Variants in CNBD1 observed in about 807,000 individuals in gnomAD.
CNBD1 encodes the protein cyclic nucleotide binding domain containing 1, also known as cyclic nucleotide-binding domain-containing protein 1.
Under a neutral mutation model 54.4 loss-of-function variants are expected in CNBD1, and 71 were observed. That is an observed-to-expected ratio of 1.30 (90% CI 1.08 to 1.59). The LOEUF (loss-of-function observed/expected upper bound fraction) is 1.59, where lower values mean the gene tolerates loss of function less well. CNBD1 is among the 40% of genes most tolerant of loss of function. The pLI, the probability that CNBD1 is intolerant of heterozygous loss-of-function variation, is 0.00. For synonymous variants in CNBD1, 182 were observed against 170.7 expected (o/e 1.07, Z -0.51); for missense variants, 659 against 518.0 (o/e 1.27, Z -2.64).
intron 5 of CNBD1, among the ~76,000 whole-genome samples, chr8:87,222,778 C>T (rs1814369591): frequency 6.6e-6 from 1 of 152,026 alleles, no homozygotes; most frequent in Non-Finnish European, 1.5e-5. Flanking sequence ...ATTAAACTTT[C>T]TCTAACTAGT....
At chr8:87,388,781 G>A (rs867750004) in intron 2 of CNBD1, among the ~76,000 whole-genome samples, 4 of 152,058 alleles carry the variant, frequency 2.6e-5, no homozygotes, top group East Asian at 1.9e-4. Flanking sequence ...TACCAAAGCC[G>A]GGCAGAGACA....
At chr8:87,011,921 A>AT (rs1323468262) in intron 4 of CNBD1, among the ~76,000 whole-genome samples, 4 of 152,184 alleles carry the variant, frequency 2.6e-5, no homozygotes, top group Non-Finnish European at 5.9e-5. Flanking sequence ...AAACAGATTA[A>AT]TTGGAGTTTA....
chr8:87,243,949 A>T lies in CNBD1; in HGVS notation c.771+6837A>T, dbSNP rs543308932. On this transcript the variant is annotated intron_variant, in intron 6 of 10. Transcript: ENST00000518476. Reference sequence around the variant, plus strand: ...TGTTTTGTTTTTTTAATTAAAAAAAATTTTGTATAAATTTATGGGGAATAT... The same window carrying T: ...TGTTTTGTTTTTTTAATTAAAAAAATTTTTGTATAAATTTATGGGGAATAT... 7.6e-4 allele frequency among the ~76,000 whole-genome samples: 115 copies of T among 152,194 alleles called. 1 individual carries two copies. The highest frequency in any genetic ancestry group is 2.9e-3 in the South Asian group (14 of 4,816).
chr8:87,181,099 G>A (rs1813302367), intron 4 of CNBD1, among the ~76,000 whole-genome samples: 1 of 152,016 alleles, frequency 6.6e-6, no homozygotes, highest in Admixed American at 6.5e-5. Flanking sequence ...TTACCTCCTT[G>A]ATGTTTTTAT....
rs190512447 is a variant in CNBD1, at chr8:87,321,057, A to G, written c.1043-30628A>G. Among the ~76,000 whole-genome samples the G allele has an allele frequency of 3.9e-3, 591 of 150,934 alleles. 8 individuals are homozygous for G. The highest frequency in any genetic ancestry group is 0.014 in the African/African-American group (561 of 41,096). ...GAGAGTAATTCCTTCTTATTTATAG[A>G]TGAATTACCACATTTTATTTACCCA... On this transcript the variant is annotated intron_variant, in intron 8 of 10. Coordinates refer to ENST00000518476, the MANE Select transcript of CNBD1 (RefSeq NM_173538.3).
chr8:87,291,485 T>C (rs1160476240), intron 8 of CNBD1, among the ~76,000 whole-genome samples: 1 of 152,162 alleles, frequency 6.6e-6, no homozygotes, highest in Non-Finnish European at 1.5e-5. Flanking sequence ...ATATAGTGCC[T>C]CTGTTACATA....
intron 4 of CNBD1, among the ~76,000 whole-genome samples, chr8:86,948,747 G>A (rs928539348): frequency 1.4e-4 from 22 of 151,912 alleles, no homozygotes; most frequent in African/African-American, 1.7e-4. Context: ...CTCACTGTGC[G>A]TAAACTTTAC....
At chr8:87,234,536 G>A (rs945094392) in intron 5 of CNBD1, among the ~76,000 whole-genome samples, 1 of 152,192 alleles carries the variant, frequency 6.6e-6, no homozygotes, top group Non-Finnish European at 1.5e-5. Context: ...TCAATGAGCA[G>A]TAGTATTTTG....
chr8:87,260,614 A>G (rs1808117366), intron 6 of CNBD1, among the ~76,000 whole-genome samples: 2 of 152,172 alleles, frequency 1.3e-5, no homozygotes, highest in African/African-American at 2.4e-5. Flanking sequence ...CTGACTGGTA[A>G]GAAACTCTTA....
intron 6 of CNBD1, among the ~76,000 whole-genome samples, chr8:87,282,658 T>C (rs574922312): frequency 2.6e-5 from 4 of 152,000 alleles, no homozygotes; most frequent in African/African-American, 7.2e-5. Context: ...TAATTATTAA[T>C]ATTAGGGAGT....
intron 4 of CNBD1, among the ~76,000 whole-genome samples, chr8:87,186,255 C>G (rs1813473394): frequency 6.6e-6 from 1 of 152,032 alleles, no homozygotes. Context: ...AAGCTGAACT[C>G]TTGTTCATTC....
rs532087239 is a variant in CNBD1 at position 87,213,475 on chromosome 8, T to G, written c.577+7337T>G. On this transcript the variant is annotated intron_variant, in intron 5 of 10. Coordinates refer to ENST00000518476, the MANE Select transcript of CNBD1 (RefSeq NM_173538.3). ...AAGGGGAAGCAAGACACATCTTACA[T>G]GGTGGCAGACAAGAGAGAATGAGAC... Among the ~76,000 whole-genome samples the G allele has an allele frequency of 2.0e-5, 3 of 152,228 alleles. No homozygotes were observed. In the South Asian group the frequency reaches 6.2e-4, roughly 32 times the overall value.
chr8:86,937,015 T>G (rs1037186435), intron 3 of CNBD1, among the ~76,000 whole-genome samples: 8 of 152,184 alleles, frequency 5.3e-5, no homozygotes, highest in African/African-American at 1.9e-4. Flanking sequence ...TATTGTGTAT[T>G]CATCTGTTCT....
intron 4 of CNBD1, among the ~76,000 whole-genome samples, chr8:87,134,660 T>C (rs961591088): frequency 7.1e-6 from 1 of 141,172 alleles, no homozygotes; most frequent in Non-Finnish European, 1.5e-5. Flanking sequence ...TGGAGTGCAG[T>C]GGCTCTGTCT....
chr8:87,390,250 G>A (rs1249586969), intron 2 of CNBD1, among the ~76,000 whole-genome samples: 2 of 152,126 alleles, frequency 1.3e-5, no homozygotes, highest in African/African-American at 4.8e-5. Context: ...TGACAAATGG[G>A]ATCTAAGTAA....
At chr8:87,371,156 T>G (rs1183299083) in intron 10 of CNBD1, among the ~76,000 whole-genome samples, 1 of 151,784 alleles carries the variant, frequency 6.6e-6, no homozygotes, top group Non-Finnish European at 1.5e-5. Context: ...TGAAGTCAGG[T>G]AGTGTGATGC....
chr8:87,370,099 T>G (rs1810743262), intron 10 of CNBD1, among the ~76,000 whole-genome samples: 1 of 151,992 alleles, frequency 6.6e-6, no homozygotes, highest in African/African-American at 2.4e-5. Context: ...GGTGTATATG[T>G]GCCACATTTT....
intron 8 of CNBD1, among the ~76,000 whole-genome samples, chr8:87,307,276 A>G (rs1291926914): frequency 6.6e-6 from 1 of 152,206 alleles, no homozygotes; most frequent in East Asian, 1.9e-4. Flanking sequence ...GAAGAACACA[A>G]TTTAACTGGC....
At chr8:87,229,123 G>A (rs922314947) in intron 5 of CNBD1, among the ~76,000 whole-genome samples, 10 of 152,110 alleles carry the variant, frequency 6.6e-5, no homozygotes, top group East Asian at 3.9e-4. Context: ...CATGGTGCGC[G>A]CACCCACTGA....
Sources: allele counts gnomAD v4.1 joint callset (sites outside exome capture counted in the v4.1 genomes callset), GRCh38; gene constraint gnomAD v4.1.1; transcripts MANE v1.5; gene names NCBI Gene and HGNC (gene_info 2026-07-23, HGNC 2026-07-21).